RGS6: variants seen among roughly 807,000 people sequenced by gnomAD.
RGS6 encodes the protein regulator of G protein signaling 6.
Under a neutral mutation model 78.5 loss-of-function variants are expected in RGS6, and 30 were observed. The ratio of observed to expected loss-of-function variants is 0.38; its 90% CI spans 0.29 to 0.52. The LOEUF is 0.52. RGS6 is among the 20% of genes least tolerant of loss of function. The probability of loss-of-function intolerance (pLI) is 0.85; values close to 1 mark genes in which losing one functional copy is unlikely to be tolerated. For missense variants in RGS6, 495 were observed against 609.7 expected, an observed-to-expected ratio of 0.81 and a Z score of 1.98; for synonymous variants, 206 against 206.0, an observed-to-expected ratio of 1.00 and a Z score of 0.00.
intron 14 of RGS6, among the ~76,000 whole-genome samples, chr14:72,513,588 G>A (rs2096904919): frequency 6.6e-6 from 1 of 152,192 alleles, no homozygotes; most frequent in Non-Finnish European, 1.5e-5. Context: ...TGTCCACAAG[G>A]CAGGGGCCTC....
intron 2 of RGS6, among the ~76,000 whole-genome samples, chr14:72,162,519 T>C (rs1211623237): frequency 1.3e-5 from 2 of 152,134 alleles, no homozygotes; most frequent in African/African-American, 4.8e-5. Flanking sequence ...GTCCAGGAGA[T>C]GGTCCCTGAG....
intron 2 of RGS6, among the ~76,000 whole-genome samples, chr14:72,217,060 A>G (rs2045752570): frequency 6.6e-6 from 1 of 152,206 alleles, no homozygotes; most frequent in African/African-American, 2.4e-5. Context: ...AAGGAAAAGG[A>G]CAAAGTTGTT....
chr14:72,597,702 A>G, the RGS6 span, among the ~76,000 whole-genome samples: 1 of 152,166 alleles, frequency 6.6e-6, no homozygotes, highest in South Asian at 2.1e-4. Flanking sequence ...CATCTCAAAC[A>G]TTCATCATTT....
chr14:71,889,960 A>G, the RGS6 span, among the ~76,000 whole-genome samples: 1 of 152,094 alleles, frequency 6.6e-6, no homozygotes, highest in African/African-American at 2.4e-5. Flanking sequence ...ATTAAAAGTA[A>G]TGGCAAAAAC....
chr14:72,140,012 C>G (rs1267214485), intron 2 of RGS6, among the ~76,000 whole-genome samples: 2 of 151,334 alleles, frequency 1.3e-5, no homozygotes, highest in Non-Finnish European at 2.9e-5. Flanking sequence ...CAAGTCTCTA[C>G]CTAGTAGAGA....
intron 2 of RGS6, among the ~76,000 whole-genome samples, chr14:72,266,414 T>A (rs926345478): frequency 1.3e-5 from 2 of 152,168 alleles, no homozygotes; most frequent in Admixed American, 1.3e-4. Context: ...GGTTGCACAG[T>A]TATGCCGTCC....
chr14:72,556,590 C>T (rs1351895102), intron 17 of RGS6, among the ~76,000 whole-genome samples: 1 of 150,766 alleles, frequency 6.6e-6, no homozygotes, highest in African/African-American at 2.5e-5. Flanking sequence ...CTGGGTACCT[C>T]CTCCATCCCC....
chr14:72,571,531 C>A, the RGS6 span, among the ~76,000 whole-genome samples: 1 of 152,134 alleles, frequency 6.6e-6, no homozygotes, highest in African/African-American at 2.4e-5. Context: ...CGTTTATAGC[C>A]AACTGATTTT....
chr14:72,113,510 G>A (rs1474209613), intron 2 of RGS6, among the ~76,000 whole-genome samples: 1 of 152,300 alleles, frequency 6.6e-6, no homozygotes, highest in Non-Finnish European at 1.5e-5. Context: ...TTTATTTGAC[G>A]GGTATAGAGG....
At chr14:72,430,316 C>T (rs758916843) in intron 3 of RGS6, among the ~76,000 whole-genome samples, 3 of 152,194 alleles carry the variant, frequency 2.0e-5, no homozygotes, top group Non-Finnish European at 4.4e-5. Context: ...TAAAACCCTC[C>T]AGTCATTATT....
At chr14:72,100,413 T>G (rs566607380) in intron 2 of RGS6, among the ~76,000 whole-genome samples, 1 of 152,234 alleles carries the variant, frequency 6.6e-6, no homozygotes, top group South Asian at 2.1e-4. Context: ...GAGAATCGCT[T>G]GAACCTGGGA....
chr14:72,505,483 T>C (rs145730115), intron 13 of RGS6, among the ~76,000 whole-genome samples: 4 of 152,334 alleles, frequency 2.6e-5, no homozygotes, highest in African/African-American at 9.6e-5. Context: ...TACGATCACA[T>C]TGTGGATCAA....
At chr14:72,363,043 AT>A (rs1340108034) in intron 3 of RGS6, among the ~76,000 whole-genome samples, 1 of 152,336 alleles carries the variant, frequency 6.6e-6, no homozygotes, top group East Asian at 1.9e-4. Flanking sequence ...GTGTGTATGT[AT>A]TTGAGAAGAG....
chr14:72,471,991 T>G (rs1484023229), intron 8 of RGS6, among the ~76,000 whole-genome samples: 1 of 152,194 alleles, frequency 6.6e-6, no homozygotes, highest in Non-Finnish European at 1.5e-5. Context: ...TGTGATTACA[T>G]TATAATTGTG....
chr14:72,604,235 A>G, the RGS6 span, among the ~76,000 whole-genome samples: 31 of 152,318 alleles, frequency 2.0e-4, 1 homozygote, highest in East Asian at 5.8e-3. Flanking sequence ...GCAGTGTTTA[A>G]GACACAGGTC....
At chr14:72,452,571 G>T (rs2095523708) in intron 3 of RGS6, among the ~76,000 whole-genome samples, 1 of 152,216 alleles carries the variant, frequency 6.6e-6, no homozygotes, top group South Asian at 2.1e-4. Flanking sequence ...TGGGAAGAGG[G>T]CAATCCTCAT....
intron 2 of RGS6, among the ~76,000 whole-genome samples, chr14:72,229,844 T>C (rs1202108488): frequency 6.6e-6 from 1 of 152,180 alleles, no homozygotes; most frequent in Non-Finnish European, 1.5e-5. Context: ...TATATGGCCA[T>C]TGGCAGATCT....
At chr14:72,180,569 T>C (rs1046134896) in intron 2 of RGS6, among the ~76,000 whole-genome samples, 1 of 152,250 alleles carries the variant, frequency 6.6e-6, no homozygotes, top group African/African-American at 2.4e-5. Flanking sequence ...ATCTATTTAA[T>C]TGAGGTTTAT....
At chr14:72,272,496 G>C (rs766513612) in intron 2 of RGS6, among the ~76,000 whole-genome samples, 45 of 152,142 alleles carry the variant, frequency 3.0e-4, no homozygotes, top group Non-Finnish European at 1.0e-4. Context: ...GCCTTCCATG[G>C]CTCTCAATTT....
Sources: gnomAD v4.1 joint callset for allele counts (sites outside exome capture counted in the v4.1 genomes callset) on GRCh38, gnomAD v4.1.1 for gene constraint, MANE v1.5 for transcripts, NCBI Gene and HGNC (gene_info 2026-07-23, HGNC 2026-07-21) for gene names.